The following SYT12 variants were observed in gnomAD, a reference collection of about 807,000 sequenced individuals.
SYT12 encodes the protein synaptotagmin-12.
Under a neutral mutation model 39.5 loss-of-function variants are expected in SYT12, and 27 were observed. That is an observed-to-expected ratio of 0.68 (90% CI 0.50 to 0.94). SYT12 has a LOEUF of 0.94. Among genes scored for constraint, SYT12 ranks in the 40% least tolerant of loss-of-function variants. SYT12 has a pLI of 0.00. For missense variants in SYT12, 536 were observed against 572.6 expected, an observed-to-expected ratio of 0.94 and a Z score of 0.65; for synonymous variants, 233 against 239.7, an observed-to-expected ratio of 0.97 and a Z score of 0.26.
At chr11:67,018,046 A>G (rs1591352099) in intron 3 of SYT12, among the ~76,000 whole-genome samples, 1 of 142,164 alleles carries the variant, frequency 7.0e-6, no homozygotes, top group African/African-American at 2.6e-5. Context: ...TGGATCACTT[A>G]AGGTCAGAAG....
At chr11:67,012,099 G>A (rs1211125793) in intron 3 of SYT12, among the ~76,000 whole-genome samples, 1 of 151,286 alleles carries the variant, frequency 6.6e-6, no homozygotes, top group Non-Finnish European at 1.5e-5. Context: ...AGCCAGGCAT[G>A]GTGGCTCACA....
At chr11:67,030,264 A>G (rs1055303916) in intron 2 of SYT12, 86 bp downstream of exon 2, 21 of 1,472,570 alleles carry the variant, frequency 1.4e-5, no homozygotes, top group Non-Finnish European at 1.7e-5. Context: ...TGGGACATGA[A>G]TAATTAGTCC....
Position 67,048,603 on chromosome 11 carries a change from C to CA in SYT12, c.1112_1113insA (p.Val372GlyfsTer3). ...CCTCAGGACCTGTCTCTCCGCGTGA[C>CA]GGTGGCTGAGAGCAGCAGCGACGGC... On this transcript the variant is annotated frameshift_variant, in exon 8 of 8. Coordinates refer to ENST00000527043, the MANE Select transcript of SYT12 (RefSeq NM_177963.4). LOFTEE classifies it high-confidence loss of function. The CA allele has an allele frequency of 6.2e-7, 1 of 1,603,696 alleles. No homozygotes were observed. The highest frequency in any genetic ancestry group is 8.5e-7 in the Non-Finnish European group (1 of 1,171,650).
chr11:67,037,629 T>A (rs1950407181), intron 3 of SYT12, among the ~76,000 whole-genome samples: 1 of 151,928 alleles, frequency 6.6e-6, no homozygotes, highest in African/African-American at 2.4e-5. Flanking sequence ...ATGCCTGTAA[T>A]CTCAGCACTT....
At chr11:67,044,462 T>C (rs1489155373) in intron 5 of SYT12, 131 bp from the exon 6 acceptor site, 1 of 1,282,860 alleles carries the variant, frequency 7.8e-7, no homozygotes, top group Admixed American at 2.7e-5. Flanking sequence ...AGCCCTGTGG[T>C]AAGGGGCCCC....
In SYT12 at chr11:67,049,897, C is replaced by A. The variant is rs1854698343; in HGVS notation, c.*1140C>A. Reference sequence around the variant, plus strand: ...CGGCTCTCGATCACGGGGTGGGTGCCCCCGACACCGGGTCTCCTAGCTTGA... The same window carrying A: ...CGGCTCTCGATCACGGGGTGGGTGCACCCGACACCGGGTCTCCTAGCTTGA... On this transcript the variant is annotated 3_prime_UTR_variant, in exon 8 of 8. Transcript: ENST00000527043. The A allele has an allele frequency of 6.6e-6, 1 of 152,140 alleles. No individual in the cohort carries two copies. The highest frequency in any genetic ancestry group is 2.4e-5 in the African/African-American group (1 of 41,422). 9.4% of individuals were successfully genotyped at this position (152,140 alleles called of 1,614,324 possible).
At chr11:67,009,021 G>A (rs752127776) in intron 1 of SYT12, among the ~76,000 whole-genome samples, 1 of 151,628 alleles carries the variant, frequency 6.6e-6, no homozygotes, top group Non-Finnish European at 1.5e-5. Flanking sequence ...GGCTTTTGTT[G>A]TTGTTTTGAG....
At chr11:67,007,756 G>A (rs771587626) in intron 1 of SYT12, among the ~76,000 whole-genome samples, 12 of 151,474 alleles carry the variant, frequency 7.9e-5, no homozygotes, top group Non-Finnish European at 1.6e-4. Flanking sequence ...TAGAGACGGG[G>A]TTTCCCTACA....
chr11:67,039,937 G>C lies in SYT12; in HGVS notation c.355G>C (p.Glu119Gln), dbSNP rs556621897. Residue 119 changes from glutamate to glutamine, a missense_variant, in exon 4 of 8, where the codon GAG becomes CAG. Coordinates refer to ENST00000527043, the MANE Select transcript of SYT12 (RefSeq NM_177963.4). ...GGGGCCTCTGGAGCTGATGGGCCGG[G>C]AGTTGGACCTGGCCCCCTATGGGAC... ...ELGPLELMGR[E>Q]LDLAPYGTLR... is the part of the protein sequence containing the mutation. The C allele has an allele frequency of 1.9e-6, 3 of 1,613,778 alleles. No homozygotes were observed. In the African/African-American group the frequency reaches 4.0e-5, roughly 21 times the overall value.
upstream of SYT12, among the ~76,000 whole-genome samples, chr11:67,020,071 G>C (rs1279544827): frequency 6.6e-6 from 1 of 152,064 alleles, no homozygotes; most frequent in South Asian, 2.1e-4. Flanking sequence ...CCTCAGGGTG[G>C]GGCCTCCCCT....
At chr11:67,047,580 A>G (rs1410183768) in intron 7 of SYT12, among the ~76,000 whole-genome samples, 3 of 150,628 alleles carry the variant, frequency 2.0e-5, no homozygotes, top group African/African-American at 7.3e-5. Context: ...AACAAATATT[A>G]TCATCACCAT....
intron 1 of SYT12, chr11:67,027,891 G>A (rs1294884917): frequency 6.6e-6 from 1 of 152,238 alleles, no homozygotes; most frequent in Non-Finnish European, 1.5e-5. Context: ...GAAGCAGGCT[G>A]GGAGGTGCGT....
At chr11:67,043,157 G>A (rs781159804) in intron 4 of SYT12, among the ~76,000 whole-genome samples, 68 of 152,148 alleles carry the variant, frequency 4.5e-4, no homozygotes, top group Admixed American at 2.6e-3. Flanking sequence ...AAACCGAGTT[G>A]GCCCAACCTC....
At position 67,043,861 on chromosome 11, in the gene SYT12, A is replaced by C. The variant is rs766921950; in HGVS notation, c.837+8A>C. On this transcript the variant is annotated splice_region_variant and intron_variant, in intron 5 of 7. Coordinates refer to ENST00000527043, the MANE Select transcript of SYT12 (RefSeq NM_177963.4). Reference sequence around the variant, plus strand: ...TTACAGGACCAGAACAAGGTAAGTGACTTGCCTGCTCGTCCACCTCGGAAG... The same window carrying C: ...TTACAGGACCAGAACAAGGTAAGTGCCTTGCCTGCTCGTCCACCTCGGAAG... The C allele has an allele frequency of 1.7e-5, 28 of 1,613,660 alleles. No homozygotes were observed. The highest frequency in any genetic ancestry group is 2.3e-5 in the Non-Finnish European group (27 of 1,179,896).
chr11:67,009,719 A>G (rs1026141722), intron 1 of SYT12, among the ~76,000 whole-genome samples: 2 of 152,058 alleles, frequency 1.3e-5, no homozygotes, highest in African/African-American at 4.8e-5. Flanking sequence ...ACAGGAACAA[A>G]TAATTCCAGG....
chr11:67,025,937 C>T (rs938376125), intron 1 of SYT12, among the ~76,000 whole-genome samples: 3 of 152,184 alleles, frequency 2.0e-5, no homozygotes, highest in Admixed American at 6.5e-5. Context: ...GCTCTACCAC[C>T]GCTGGCTGTG....
At chr11:67,041,850 A>C (rs1260690202) in intron 4 of SYT12, among the ~76,000 whole-genome samples, 3 of 152,134 alleles carry the variant, frequency 2.0e-5, no homozygotes, top group Non-Finnish European at 2.9e-5. Context: ...ATGGAGGTCA[A>C]CTCTCAGGGC....
chr11:67,017,375 T>C (rs1432328922), intron 3 of SYT12, among the ~76,000 whole-genome samples: 1 of 151,532 alleles, frequency 6.6e-6, no homozygotes, highest in Non-Finnish European at 1.5e-5. Flanking sequence ...TTTTTTTTTT[T>C]TTGAGACGGA....
intron 3 of SYT12, among the ~76,000 whole-genome samples, chr11:67,037,181 G>A (rs1950398888): frequency 6.6e-6 from 1 of 152,150 alleles, no homozygotes; most frequent in Non-Finnish European, 1.5e-5. Context: ...CTTGAACCTA[G>A]GAGCCAAGAT....
Sources: allele counts gnomAD v4.1 joint callset (sites outside exome capture counted in the v4.1 genomes callset), GRCh38; gene constraint gnomAD v4.1.1; transcripts MANE v1.5; gene names NCBI Gene and HGNC (gene_info 2026-07-23, HGNC 2026-07-21).